Variants in KCNH1 observed in about 807,000 individuals in gnomAD.
KCNH1 encodes voltage-gated delayed rectifier potassium channel KCNH1.
In KCNH1, 27 loss-of-function variants were observed where a neutral mutation model predicts 69.2. The observed-to-expected ratio is 0.39, with a 90% CI of 0.29 to 0.54. The LOEUF (loss-of-function observed/expected upper bound fraction) is 0.54. Among genes scored for constraint, KCNH1 ranks in the 20% least tolerant of loss-of-function variants. The pLI, the probability that KCNH1 is intolerant of heterozygous loss-of-function variation, is 0.68. For synonymous variants in KCNH1, 456 were observed against 487.7 expected (o/e 0.93, Z 0.86); for missense variants, 798 against 1,261.6 (o/e 0.63, Z 5.57).
At chr1:210,877,068 T>TAAAAA (rs10673335) in intron 7 of KCNH1, among the ~76,000 whole-genome samples, 14 of 144,030 alleles carry the variant, frequency 9.7e-5, no homozygotes, top group African/African-American at 2.3e-4. Context: ...TCCTCTGAAT[T>TAAAAA]AAAAAAAAAA....
chr1:211,055,091 G>C (rs11119671), intron 5 of KCNH1, among the ~76,000 whole-genome samples: 1 of 151,776 alleles, frequency 6.6e-6, no homozygotes, highest in Non-Finnish European at 1.5e-5. Context: ...AAGCACCTAC[G>C]TAAGAGCCAA....
chr1:211,091,377 G>T (rs920431087), intron 3 of KCNH1, among the ~76,000 whole-genome samples: 2 of 151,894 alleles, frequency 1.3e-5, no homozygotes, highest in Non-Finnish European at 2.9e-5. Flanking sequence ...GAGGCGGCCA[G>T]GGTGCTCTCG....
chr1:210,796,242 T>C (rs184915048), intron 9 of KCNH1, among the ~76,000 whole-genome samples: 1 of 152,282 alleles, frequency 6.6e-6, no homozygotes, highest in East Asian at 1.9e-4. Context: ...TCTGGAATGC[T>C]GATTCCATGG....
intron 7 of KCNH1, among the ~76,000 whole-genome samples, chr1:210,850,861 G>A (rs1179961276): frequency 6.6e-6 from 1 of 152,218 alleles, no homozygotes; most frequent in African/African-American, 2.4e-5. Flanking sequence ...TCTAGAGCTT[G>A]TTCCAGATGT....
chr1:210,832,966 T>C (rs1225518343), intron 7 of KCNH1, among the ~76,000 whole-genome samples: 2 of 148,190 alleles, frequency 1.3e-5, no homozygotes, highest in African/African-American at 4.9e-5. Context: ...TTAGAGATGC[T>C]TTATCACTAT....
chr1:211,114,357 C>T (rs938972491), intron 1 of KCNH1, among the ~76,000 whole-genome samples: 8 of 152,024 alleles, frequency 5.3e-5, no homozygotes, highest in Admixed American at 2.6e-4. Context: ...TGGAAGAGCT[C>T]GAGATACCAC....
intron 10 of KCNH1, among the ~76,000 whole-genome samples, chr1:210,735,006 CTCT>C: frequency 6.6e-6 from 1 of 152,292 alleles, no homozygotes; most frequent in East Asian, 1.9e-4. Flanking sequence ...TAGCCTCATT[CTCT>C]TCTTCTCCCT....
Position 210,738,552 on chromosome 1 carries a change from C to CTTTTTTTT in KCNH1, c.2112+36788_2112+36795dup, listed in dbSNP as rs57669878. On this transcript the variant is annotated intron_variant, in intron 10 of 10. Coordinates refer to ENST00000271751, the MANE Select transcript of KCNH1 (RefSeq NM_172362.3). ...CTGTATTCCTGGCTTGGCTTTTTTG[C>CTTTTTTTT]TTTTTTTTTTTTTTTTTTTTTTTTT... Among the ~76,000 whole-genome samples, 211 of 49,162 alleles carry CTTTTTTTT rather than the reference C, an allele frequency of 4.3e-3. 5 individuals are homozygous for CTTTTTTTT. Among genetic ancestry groups the CTTTTTTTT allele is most frequent in the East Asian group, 6.2e-3 (10 of 1,610 alleles). The allele number at this position is 49,162 out of a possible 152,430, so 32.3% of individuals were successfully genotyped here.
chr1:210,856,978 A>G (rs1429993466), intron 7 of KCNH1, among the ~76,000 whole-genome samples: 1 of 149,212 alleles, frequency 6.7e-6, no homozygotes, highest in African/African-American at 2.5e-5. Context: ...AAACTTTTTA[A>G]TAGCATCATG....
intron 10 of KCNH1, among the ~76,000 whole-genome samples, chr1:210,747,547 C>T (rs1383846023): frequency 6.6e-6 from 1 of 151,358 alleles, no homozygotes; most frequent in Non-Finnish European, 1.5e-5. Flanking sequence ...ACTATATTTA[C>T]TGGAAGATTT....
intron 5 of KCNH1, among the ~76,000 whole-genome samples, chr1:211,071,628 T>A (rs1690644708): frequency 6.6e-6 from 1 of 152,240 alleles, no homozygotes; most frequent in Non-Finnish European, 1.5e-5. Context: ...TAACTTTTTA[T>A]AATAGATTTG....
chr1:210,831,744 C>T (rs915863210), intron 7 of KCNH1, among the ~76,000 whole-genome samples: 1 of 152,196 alleles, frequency 6.6e-6, no homozygotes, highest in Non-Finnish European at 1.5e-5. Context: ...AACATTTCCC[C>T]TCTAGGTCTT....
intron 10 of KCNH1, among the ~76,000 whole-genome samples, chr1:210,752,361 A>G (rs969841376): frequency 3.9e-5 from 6 of 152,162 alleles, no homozygotes; most frequent in African/African-American, 1.2e-4. Flanking sequence ...GTCTAACACA[A>G]ATCTCTTTCC....
intron 7 of KCNH1, among the ~76,000 whole-genome samples, chr1:210,881,146 G>C (rs577863518): frequency 4.6e-5 from 7 of 151,922 alleles, no homozygotes; most frequent in Non-Finnish European, 7.4e-5. Flanking sequence ...GCTTCCCAAG[G>C]CATGCTCCAT....
chr1:210,948,813 G>A (rs1688009418), intron 6 of KCNH1, among the ~76,000 whole-genome samples: 1 of 147,870 alleles, frequency 6.8e-6, no homozygotes, highest in African/African-American at 2.5e-5. Flanking sequence ...GGGCCACAGA[G>A]CAAGACTCCA....
intron 6 of KCNH1, among the ~76,000 whole-genome samples, chr1:210,963,074 T>C (rs915231678): frequency 2.6e-5 from 4 of 151,934 alleles, no homozygotes; most frequent in Admixed American, 6.6e-5. Context: ...GTAACTTATC[T>C]TTTCATTTTC....
At chr1:211,070,741 G>C (rs1436171109) in intron 5 of KCNH1, among the ~76,000 whole-genome samples, 1 of 150,836 alleles carries the variant, frequency 6.6e-6, no homozygotes, top group African/African-American at 2.4e-5. Flanking sequence ...AGAATCGCTT[G>C]AACCCAGGAG....
chr1:210,949,515 T>C (rs1465765709), intron 6 of KCNH1, among the ~76,000 whole-genome samples: 1 of 152,192 alleles, frequency 6.6e-6, no homozygotes, highest in Non-Finnish European at 1.5e-5. Flanking sequence ...AATTGTTACG[T>C]CCCAGTCTGT....
chr1:210,922,398 A>ACC (rs1203782378), intron 6 of KCNH1, among the ~76,000 whole-genome samples: 1 of 29,010 alleles, frequency 3.4e-5, no homozygotes, highest in Non-Finnish European at 6.8e-5. Context: ...AAAAAAAAAA[A>ACC]AAAAAAAAAA....
Sources: gnomAD v4.1 joint callset for allele counts (sites outside exome capture counted in the v4.1 genomes callset) on GRCh38, gnomAD v4.1.1 for gene constraint, MANE v1.5 for transcripts, NCBI Gene and HGNC (gene_info 2026-07-23, HGNC 2026-07-21) for gene names.